The following GRID2 variants were observed in gnomAD, a reference collection of about 807,000 sequenced individuals.
GRID2 encodes the protein glutamate receptor ionotropic, delta-2.
In GRID2, 33 loss-of-function variants were observed where a neutral mutation model predicts 114.8. That is an observed-to-expected ratio of 0.29 (90% confidence interval 0.22 to 0.38). The LOEUF (loss-of-function observed/expected upper bound fraction) is 0.38, where lower values mean the gene tolerates loss of function less well. Ranked by LOEUF, GRID2 falls within the 10% of genes least tolerant of loss-of-function variation. GRID2 has a pLI of 1.00. For missense variants in GRID2, 1,184 were observed against 1,257.7 expected, an observed-to-expected ratio of 0.94 and a Z score of 0.89; for synonymous variants, 505 against 449.9, an observed-to-expected ratio of 1.12 and a Z score of -1.55.
chr4:93,431,199 G>A (rs1194937472), intron 10 of GRID2, among the ~76,000 whole-genome samples: 1 of 152,002 alleles, frequency 6.6e-6, no homozygotes, highest in African/African-American at 2.4e-5. Flanking sequence ...TAGAGGAGGA[G>A]GACAGTTTAG....
rs1730730407 is a variant in GRID2 at position 93,090,914 on chromosome 4, A to T, written c.529+5635A>T. On this transcript the variant is annotated intron_variant, in intron 3 of 15. Transcript: ENST00000282020. ...AACGCCAGGTGTTCTCAATTACTAG[A>T]ATAATTCAGTCCAGTTCTTGTTTAA... Among the ~76,000 whole-genome samples, 4 of 152,102 alleles carry T rather than the reference A, an allele frequency of 2.6e-5. No homozygotes were observed. The South Asian group carries it at 8.3e-4, about 32-fold the overall frequency.
chr4:93,741,195 ATATATG>A (rs1332425536), intron 14 of GRID2, among the ~76,000 whole-genome samples: 883 of 30,728 alleles, frequency 0.029, 95 homozygotes, highest in African/African-American at 0.075. Context: ...ATATATATAT[ATATATG>A]TATATATATA....
At chr4:93,624,733 A>G (rs980331800) in intron 13 of GRID2, among the ~76,000 whole-genome samples, 3 of 152,092 alleles carry the variant, frequency 2.0e-5, no homozygotes, top group Non-Finnish European at 2.9e-5. Flanking sequence ...TATTACTTCT[A>G]TTTATTTTAT....
intron 3 of GRID2, among the ~76,000 whole-genome samples, chr4:93,104,885 T>C (rs986125563): frequency 1.3e-5 from 2 of 152,044 alleles, no homozygotes; most frequent in Admixed American, 6.6e-5. Flanking sequence ...ATCGCCACAC[T>C]GACTTCCACA....
chr4:93,041,279 T>C lies in GRID2; in HGVS notation c.245-43716T>C, dbSNP rs114939839. 3.2e-3 allele frequency among the ~76,000 whole-genome samples: 480 copies of C among 152,270 alleles called. 3 individuals carry two copies. The highest frequency in any genetic ancestry group is 0.011 in the African/African-American group (460 of 41,562). ...ATGTATAAATCAAAGTATAAAAATA[T>C]TGTGTTGGTAACTTACAGGGCACTG... On this transcript the variant is annotated intron_variant, in intron 2 of 15. Transcript: ENST00000282020.
intron 1 of GRID2, among the ~76,000 whole-genome samples, chr4:92,377,752 GAGAGAGCTTGTGCA>G (rs996689097): frequency 1.4e-4 from 21 of 152,262 alleles, no homozygotes; most frequent in African/African-American, 5.1e-4. Flanking sequence ...GGCAGGCACA[GAGAGAGCTTGTGCA>G]AGGAAACCCC....
chr4:93,517,097 T>C (rs1729807151), intron 13 of GRID2, among the ~76,000 whole-genome samples: 1 of 152,024 alleles, frequency 6.6e-6, no homozygotes, highest in Non-Finnish European at 1.5e-5. Context: ...ATCATGAAGA[T>C]AAGAATTCTA....
chr4:93,133,766 T>C (rs1010281667), intron 4 of GRID2, among the ~76,000 whole-genome samples: 3 of 152,150 alleles, frequency 2.0e-5, no homozygotes, highest in Non-Finnish European at 4.4e-5. Context: ...AAGAAAGCCT[T>C]AGGAACATGC....
intron 1 of GRID2, among the ~76,000 whole-genome samples, chr4:92,581,277 T>C (rs1728173620): frequency 6.6e-6 from 1 of 151,930 alleles, no homozygotes; most frequent in Non-Finnish European, 1.5e-5. Flanking sequence ...AATTGATCTT[T>C]GAAATGTTTA....
intron 2 of GRID2, among the ~76,000 whole-genome samples, chr4:93,077,725 A>G (rs778818677): frequency 4.6e-5 from 7 of 152,148 alleles, no homozygotes; most frequent in Non-Finnish European, 7.4e-5. Context: ...CAATTGCTAT[A>G]TCTTCTATCA....
intron 13 of GRID2, among the ~76,000 whole-genome samples, chr4:93,515,713 A>G (rs923460393): frequency 4.6e-5 from 7 of 152,142 alleles, no homozygotes; most frequent in Non-Finnish European, 1.0e-4. Flanking sequence ...AAAAGTTTTT[A>G]TAAATCCCAT....
chr4:92,640,151 A>G (rs1341805277), intron 2 of GRID2, among the ~76,000 whole-genome samples: 1 of 151,860 alleles, frequency 6.6e-6, no homozygotes. Flanking sequence ...ACCGTTTTAC[A>G]CAAAATGGGC....
chr4:92,377,079 C>G (rs193194550), intron 1 of GRID2, among the ~76,000 whole-genome samples: 1 of 152,262 alleles, frequency 6.6e-6, no homozygotes, highest in African/African-American at 2.4e-5. Context: ...TTGAATTTCT[C>G]CTCAGAAAAT....
chr4:92,940,681 T>G (rs1751047637), intron 2 of GRID2, among the ~76,000 whole-genome samples: 1 of 152,122 alleles, frequency 6.6e-6, no homozygotes, highest in African/African-American at 2.4e-5. Context: ...TTTTGCCCAT[T>G]CAGTATGATA....
rs138275265 is a variant in GRID2, at chr4:92,417,024, C to G, written c.88+112280C>G. Among the ~76,000 whole-genome samples the G allele has an allele frequency of 3.2e-3, 482 of 151,840 alleles. 4 individuals carry two copies. Among genetic ancestry groups the G allele is most frequent in the African/African-American group, 0.011 (445 of 41,416 alleles). On this transcript the variant is annotated intron_variant, in intron 1 of 15. Coordinates refer to ENST00000282020, the MANE Select transcript of GRID2 (RefSeq NM_001510.4). ...GTCATTTTTACAATAGTGATTCTACCCATCCATGAGCATGAGATGTTTTCA... is the reference window on the plus strand; with the variant it reads ...GTCATTTTTACAATAGTGATTCTACGCATCCATGAGCATGAGATGTTTTCA...
chr4:92,660,573 T>A (rs1344424389), intron 2 of GRID2, among the ~76,000 whole-genome samples: 1 of 151,238 alleles, frequency 6.6e-6, no homozygotes, highest in Non-Finnish European at 1.5e-5. Flanking sequence ...GTTTTATACT[T>A]CTAGAACAGA....
intron 2 of GRID2, among the ~76,000 whole-genome samples, chr4:92,875,328 T>C (rs1745553166): frequency 6.6e-6 from 1 of 151,990 alleles, no homozygotes; most frequent in Admixed American, 6.6e-5. Context: ...CACACCCGGC[T>C]AATTTTTTTC....
At chr4:92,367,656 T>C (rs1027542355) in intron 1 of GRID2, among the ~76,000 whole-genome samples, 6 of 152,086 alleles carry the variant, frequency 3.9e-5, no homozygotes, top group Admixed American at 3.3e-4. Flanking sequence ...TTAGGATACA[T>C]AAGCTATGGT....
At chr4:93,075,883 C>CTCTCTCTTTTTTTTTT (rs1490779668) in intron 2 of GRID2, among the ~76,000 whole-genome samples, 1 of 76,606 alleles carries the variant, frequency 1.3e-5, no homozygotes, top group African/African-American at 5.3e-5. Context: ...AGTTACCTCT[C>CTCTCTCTTTTTTTTTT]TTTTTTTTTT....
Sources: allele counts gnomAD v4.1 joint callset (sites outside exome capture counted in the v4.1 genomes callset), GRCh38; gene constraint gnomAD v4.1.1; transcripts MANE v1.5; gene names NCBI Gene and HGNC (gene_info 2026-07-23, HGNC 2026-07-21).